The following FAM135B variants were observed in gnomAD, a reference collection of about 807,000 sequenced individuals.
FAM135B encodes family with sequence similarity 135 member B, also known as protein FAM135B.
In FAM135B, 43 loss-of-function variants were observed where a neutral mutation model predicts 127.7. The ratio of observed to expected loss-of-function variants is 0.34; its 90% CI spans 0.26 to 0.43. The LOEUF is 0.43. Among genes scored for constraint, FAM135B ranks in the 20% least tolerant of loss-of-function variants. FAM135B has a pLI of 1.00. For synonymous variants in FAM135B, 670 were observed against 665.1 expected (o/e 1.01, Z -0.11); for missense variants, 1,558 against 1,725.6 (o/e 0.90, Z 1.72).
intron 7 of FAM135B, among the ~76,000 whole-genome samples, chr8:138,226,184 T>TGTGTGTGTGTGTGTGTGTGCGCGC: frequency 5.0e-5 from 7 of 139,202 alleles, no homozygotes; most frequent in South Asian, 2.3e-4. Flanking sequence ...TGTGTGTGTG[T>TGTGTGTGTGTGTGTGTGTGCGCGC]GCGCGCATGT....
intron 11 of FAM135B, among the ~76,000 whole-genome samples, chr8:138,172,009 T>G (rs1340252235): frequency 6.6e-6 from 1 of 152,200 alleles, no homozygotes; most frequent in Non-Finnish European, 1.5e-5. Flanking sequence ...ATGTTATTGC[T>G]GCATGCACAA....
intron 6 of FAM135B, among the ~76,000 whole-genome samples, chr8:138,248,687 GC>G (rs1821471652): frequency 1.3e-5 from 2 of 151,944 alleles, no homozygotes; most frequent in Admixed American, 6.6e-5. Flanking sequence ...AAGCATGACG[GC>G]TCCTGCCTGT....
intron 3 of FAM135B, among the ~76,000 whole-genome samples, chr8:138,272,582 T>C (rs1476647442): frequency 6.6e-6 from 1 of 152,230 alleles, no homozygotes; most frequent in Non-Finnish European, 1.5e-5. Flanking sequence ...GTGGGCTTAA[T>C]TACTTAATTA....
intron 1 of FAM135B, among the ~76,000 whole-genome samples, chr8:138,399,998 A>G (rs1011618307): frequency 6.6e-6 from 1 of 152,210 alleles, no homozygotes; most frequent in African/African-American, 2.4e-5. Flanking sequence ...TCATCCTTTG[A>G]AACTATCTAG....
Position 138,367,860 on chromosome 8 carries a change from A to ACAC in FAM135B, c.77+46_77+47insGTG, listed in dbSNP as rs1830850674. On this transcript the variant is annotated intron_variant, in intron 2 of 19. Coordinates refer to ENST00000395297, the MANE Select transcript of FAM135B (RefSeq NM_015912.4). Reference sequence around the variant, plus strand: ...CCTTCTTCCACGGAAAGAAACAAACAACACACACACACACACACACACACA... The same window carrying ACAC: ...CCTTCTTCCACGGAAAGAAACAAACACACACACACACACACACACACACACACA... 8.1e-6 allele frequency: 10 copies of ACAC among 1,240,346 alleles called. No homozygotes were observed. In the Admixed American group the frequency reaches 1.5e-4, roughly 19 times the overall value. 76.8% of individuals were successfully genotyped at this position (1,240,346 alleles called of 1,614,324 possible).
rs1817854750 is a variant in FAM135B at position 138,148,637 on chromosome 8, A to G, written c.3331T>C (p.Phe1111Leu). ...KFKKELKIEG[F>L]LYSDLTVLAS... The stretch of plus-strand genomic sequence containing the variant: ...AGTACAGTTAAGTCACTGTACAGAA[A>G]TCCTTCAATCTTCAGTTCTTTTTTA... The change falls in exon 14 of 20, where the codon TTT (phenylalanine) becomes CTT (leucine). Residue 1111 changes from phenylalanine (F) to leucine (L), a missense_variant. Phe to Leu is a conservative substitution (Grantham distance 22). This residue lies in a region of FAM135B where 923 missense variants were observed against 865.3 expected (regional missense o/e 1.07). Transcript: ENST00000395297. The G allele has an allele frequency of 6.2e-7, 1 of 1,610,094 alleles. No individual in the cohort carries two copies. The highest frequency in any genetic ancestry group is 1.3e-5 in the African/African-American group (1 of 74,790).
chr8:138,248,528 A>T (rs1046773985), intron 6 of FAM135B, among the ~76,000 whole-genome samples: 3 of 152,216 alleles, frequency 2.0e-5, no homozygotes, highest in African/African-American at 4.8e-5. Flanking sequence ...TCTCATTTTT[A>T]AAAAATTTCG....
At chr8:138,189,442 C>T (rs1340840496) in intron 9 of FAM135B, among the ~76,000 whole-genome samples, 1 of 152,240 alleles carries the variant, frequency 6.6e-6, no homozygotes, top group Non-Finnish European at 1.5e-5. Flanking sequence ...GGCTGTTTTA[C>T]CGTCTGCCCT....
chr8:138,436,365 G>A (rs1189001952), intron 1 of FAM135B, among the ~76,000 whole-genome samples: 1 of 152,102 alleles, frequency 6.6e-6, no homozygotes, highest in Non-Finnish European at 1.5e-5. Flanking sequence ...ATGCATAGCG[G>A]CACTGTGATA....
intron 1 of FAM135B, chr8:138,441,490 A>C (rs1260134394): frequency 6.6e-6 from 1 of 152,226 alleles, no homozygotes; most frequent in Non-Finnish European, 1.5e-5. Flanking sequence ...ATCTTTATCC[A>C]TCAGCATCAC....
At chr8:138,208,718 A>G (rs1586779280) in intron 7 of FAM135B, among the ~76,000 whole-genome samples, 2 of 152,196 alleles carry the variant, frequency 1.3e-5, no homozygotes, top group East Asian at 3.9e-4. Context: ...CTTTGCCATC[A>G]TAAAGCATGA....
rs1824902733 is a variant in FAM135B at position 138,289,000 on chromosome 8, G to A, written c.157+21841C>T. On this transcript the variant is annotated intron_variant, in intron 3 of 19. Transcript: ENST00000395297. Reference sequence around the variant, plus strand: ...TCTGCCTAAAACAGGGTCCTGCCCAGCCAGTTTCATCTGAAAACACAATGT... The same window carrying A: ...TCTGCCTAAAACAGGGTCCTGCCCAACCAGTTTCATCTGAAAACACAATGT... 2.0e-5 allele frequency among the ~76,000 whole-genome samples: 3 copies of A among 152,162 alleles called. No individual in the cohort carries two copies. The South Asian group carries it at 6.2e-4, about 32-fold the overall frequency.
At chr8:138,147,910 G>A (rs1466631835) in intron 14 of FAM135B, among the ~76,000 whole-genome samples, 1 of 152,192 alleles carries the variant, frequency 6.6e-6, no homozygotes, top group Non-Finnish European at 1.5e-5. Context: ...GAGCTGATGA[G>A]TGAGAAAGTT....
intron 7 of FAM135B, among the ~76,000 whole-genome samples, chr8:138,203,209 T>A (rs948449573): frequency 6.6e-6 from 1 of 152,176 alleles, no homozygotes; most frequent in African/African-American, 2.4e-5. Flanking sequence ...CTACATCTAA[T>A]TCCTGCACTG....
chr8:138,177,524 T>C (rs1365092341), intron 10 of FAM135B, 104 bp from the exon 11 acceptor site: 6 of 1,033,360 alleles, frequency 5.8e-6, no homozygotes, highest in African/African-American at 4.8e-5. Context: ...TATTTCCTAA[T>C]AGGAAGAGAG....
chr8:138,231,869 G>A (rs867335170), intron 7 of FAM135B, among the ~76,000 whole-genome samples: 8 of 152,190 alleles, frequency 5.3e-5, no homozygotes, highest in Admixed American at 1.3e-4. Context: ...AGATCCATGG[G>A]TTTGTAATGT....
At chr8:138,236,772 C>T (rs919243268) in intron 7 of FAM135B, among the ~76,000 whole-genome samples, 1 of 152,192 alleles carries the variant, frequency 6.6e-6, no homozygotes, top group Non-Finnish European at 1.5e-5. Flanking sequence ...GCTTTTCACA[C>T]TATGGTGAAA....
At chr8:138,458,407 T>C (rs567466687) in intron 1 of FAM135B, among the ~76,000 whole-genome samples, 1 of 152,190 alleles carries the variant, frequency 6.6e-6, no homozygotes, top group Admixed American at 6.5e-5. Context: ...TGAAGTAAGG[T>C]GGGAAACTTG....
intron 7 of FAM135B, among the ~76,000 whole-genome samples, chr8:138,234,308 G>A (rs960045319): frequency 9.2e-5 from 14 of 152,150 alleles, no homozygotes; most frequent in African/African-American, 2.6e-4. Flanking sequence ...ACAATATGGC[G>A]GCTTCTCAAA....
Sources: allele counts gnomAD v4.1 joint callset (sites outside exome capture counted in the v4.1 genomes callset), GRCh38; gene constraint gnomAD v4.1.1; regional missense constraint gnomAD v4.1.1; transcripts MANE v1.5; gene names NCBI Gene and HGNC (gene_info 2026-07-23, HGNC 2026-07-21).